SLC24A3: variants seen among roughly 807,000 people sequenced by gnomAD.
SLC24A3 encodes solute carrier family 24 member 3.
In SLC24A3, 28 loss-of-function variants were observed where a neutral mutation model predicts 75.8. That is an observed-to-expected ratio of 0.37 (90% CI 0.27 to 0.51). SLC24A3 has a LOEUF of 0.51. Ranked by LOEUF, SLC24A3 falls within the 20% of genes least tolerant of loss-of-function variation. The pLI is 0.94. For synonymous variants in SLC24A3, 372 were observed against 334.1 expected, an observed-to-expected ratio of 1.11 and a Z score of -1.24; for missense variants, 663 against 847.8, an observed-to-expected ratio of 0.78 and a Z score of 2.71.
intron 1 of SLC24A3, among the ~76,000 whole-genome samples, chr20:19,217,104 C>T (rs1477172890): frequency 2.0e-5 from 3 of 152,222 alleles, no homozygotes; most frequent in Admixed American, 6.5e-5. Context: ...GTCGCAAGGG[C>T]GGATATCCCA....
intron 2 of SLC24A3, among the ~76,000 whole-genome samples, chr20:19,290,246 C>T (rs1294483471): frequency 6.6e-6 from 1 of 152,122 alleles, no homozygotes; most frequent in Middle Eastern, 3.2e-3. Flanking sequence ...AGATTTTAAA[C>T]CCAGGTCCAC....
chr20:19,349,376 C>T (rs1339381902), intron 2 of SLC24A3, among the ~76,000 whole-genome samples: 2 of 152,116 alleles, frequency 1.3e-5, no homozygotes, highest in Non-Finnish European at 2.9e-5. Context: ...ATGCCTAGTT[C>T]GTATCTCTTA....
chr20:19,278,155 C>A (rs116154599), intron 1 of SLC24A3, among the ~76,000 whole-genome samples: 3,411 of 152,306 alleles, frequency 0.022, 141 homozygotes, highest in African/African-American at 0.077. Flanking sequence ...ATTAGAAATG[C>A]TGGGGGATTA....
At chr20:19,645,812 G>A (rs1159597657) in intron 6 of SLC24A3, among the ~76,000 whole-genome samples, 1 of 152,208 alleles carries the variant, frequency 6.6e-6, no homozygotes, top group Non-Finnish European at 1.5e-5. Flanking sequence ...CCAGCACTGT[G>A]AGAGGCCAAA....
intron 2 of SLC24A3, among the ~76,000 whole-genome samples, chr20:19,336,242 G>A (rs1336169292): frequency 6.6e-6 from 1 of 152,132 alleles, no homozygotes; most frequent in Non-Finnish European, 1.5e-5. Flanking sequence ...ACTGGACATA[G>A]CCCATAGACA....
At chr20:19,308,277 A>C (rs889580387) in intron 2 of SLC24A3, among the ~76,000 whole-genome samples, 1 of 152,210 alleles carries the variant, frequency 6.6e-6, no homozygotes, top group East Asian at 1.9e-4. Flanking sequence ...GATGTCACCA[A>C]CTTCTTGACT....
At chr20:19,407,496 A>ACAACAAAGTTTTCCTGCTCC (rs1203336238) in intron 2 of SLC24A3, among the ~76,000 whole-genome samples, 1 of 152,228 alleles carries the variant, frequency 6.6e-6, no homozygotes, top group Non-Finnish European at 1.5e-5. Context: ...AGGGAAAATA[A>ACAACAAAGTTTTCCTGCTCC]CAACAAAGTT....
In SLC24A3 at chr20:19,672,723, G is replaced by C. The variant is rs190039129; in HGVS notation, c.714-878G>C. Among the ~76,000 whole-genome samples, 287 of 152,258 alleles carry C rather than the reference G, an allele frequency of 1.9e-3. 3 individuals are homozygous for C. The highest frequency in any genetic ancestry group is 5.4e-3 in the South Asian group (26 of 4,824). Reference sequence around the variant, plus strand: ...TTTATAACCACCTGGCTTCCTTCCAGCTTTTCACTTTTTTATAAACACTGC... The same window carrying C: ...TTTATAACCACCTGGCTTCCTTCCACCTTTTCACTTTTTTATAAACACTGC... On this transcript the variant is annotated intron_variant, in intron 8 of 16. Coordinates refer to ENST00000328041, the MANE Select transcript of SLC24A3 (RefSeq NM_020689.4).
chr20:19,369,864 C>T (rs1490299865), intron 2 of SLC24A3, among the ~76,000 whole-genome samples: 3 of 152,046 alleles, frequency 2.0e-5, no homozygotes, highest in Non-Finnish European at 4.4e-5. Flanking sequence ...TTGAGAGTTT[C>T]ACTATGTTAC....
intron 2 of SLC24A3, among the ~76,000 whole-genome samples, chr20:19,283,376 C>T (rs1217225557): frequency 6.6e-6 from 1 of 152,230 alleles, no homozygotes; most frequent in Non-Finnish European, 1.5e-5. Context: ...TATGGACATT[C>T]AATGGCAATT....
At chr20:19,509,665 C>A (rs1195551553) in intron 2 of SLC24A3, among the ~76,000 whole-genome samples, 1 of 152,238 alleles carries the variant, frequency 6.6e-6, no homozygotes, top group Non-Finnish European at 1.5e-5. Context: ...ACCACTGGGT[C>A]AACTGGGCAG....
chr20:19,434,038 G>A (rs1987152408), intron 2 of SLC24A3, among the ~76,000 whole-genome samples: 1 of 152,180 alleles, frequency 6.6e-6, no homozygotes, highest in Non-Finnish European at 1.5e-5. Context: ...TTAACCCTGG[G>A]AGGGGCAGTC....
Position 19,532,476 on chromosome 20 carries a change from G to A in SLC24A3, c.348+16912G>A, listed in dbSNP as rs140751751. Among the ~76,000 whole-genome samples, 1,083 of 152,344 alleles carry A rather than the reference G, an allele frequency of 7.1e-3. 6 individuals carry two copies. Among genetic ancestry groups the A allele is most frequent in the Middle Eastern group, 0.027 (8 of 294 alleles). ...CCCCATCTTGGAAATGAGCCCGGCT[G>A]TCTCTCCTGGAGGAGAATTCCTGGG... On this transcript the variant is annotated intron_variant, in intron 3 of 16. Transcript: ENST00000328041.
At chr20:19,273,460 C>T (rs537857797) in intron 1 of SLC24A3, among the ~76,000 whole-genome samples, 9 of 152,302 alleles carry the variant, frequency 5.9e-5, no homozygotes, top group East Asian at 3.9e-4. Flanking sequence ...TTCTCTGTGC[C>T]GCCAGCCCAG....
chr20:19,452,351 T>C (rs1384259111), intron 2 of SLC24A3, among the ~76,000 whole-genome samples: 2 of 146,926 alleles, frequency 1.4e-5, no homozygotes, highest in Admixed American at 1.4e-4. Context: ...GAACAGTAGG[T>C]GGTCAATGTG....
intron 2 of SLC24A3, among the ~76,000 whole-genome samples, chr20:19,359,336 C>G (rs1985745202): frequency 6.6e-6 from 1 of 152,204 alleles, no homozygotes; most frequent in Non-Finnish European, 1.5e-5. Flanking sequence ...TATTCCCACC[C>G]AGAGATTCCA....
rs926183436 is a variant in SLC24A3, at chr20:19,335,160, C to G, written c.271+54073C>G. Among the ~76,000 whole-genome samples the G allele has an allele frequency of 2.0e-5, 3 of 152,148 alleles. No individual in the cohort carries two copies. In the East Asian group the frequency reaches 5.8e-4, roughly 29 times the overall value. ...GCTACATACGGTTATTGGCTACCATCATGGATAGTGAAAGTCTAAATAGAA... is the reference window on the plus strand; with the variant it reads ...GCTACATACGGTTATTGGCTACCATGATGGATAGTGAAAGTCTAAATAGAA... On this transcript the variant is annotated intron_variant, in intron 2 of 16. Coordinates refer to ENST00000328041, the MANE Select transcript of SLC24A3 (RefSeq NM_020689.4).
At chr20:19,375,717 A>C (rs1024199540) in intron 2 of SLC24A3, among the ~76,000 whole-genome samples, 1 of 152,168 alleles carries the variant, frequency 6.6e-6, no homozygotes. Flanking sequence ...CCAGGCGCCC[A>C]GCCCTCACTC....
intron 2 of SLC24A3, among the ~76,000 whole-genome samples, chr20:19,334,040 TA>T (rs10609143): frequency 0.14 from 20,344 of 146,682 alleles, 2,376 homozygotes; most frequent in African/African-American, 0.33. Flanking sequence ...GAAAAGCTGT[TA>T]AAAAAAAAAA....
Sources: gnomAD v4.1 joint callset for allele counts (sites outside exome capture counted in the v4.1 genomes callset) on GRCh38, gnomAD v4.1.1 for gene constraint, MANE v1.5 for transcripts, NCBI Gene and HGNC (gene_info 2026-07-23, HGNC 2026-07-21) for gene names.